The following PLD5 variants were observed in gnomAD, a reference collection of about 807,000 sequenced individuals.
PLD5 encodes the protein phospholipase D family member 5, also known as inactive phospholipase D5.
A neutral mutation model predicts 61.1 loss-of-function variants in PLD5; 36 were observed. The observed-to-expected ratio is 0.59, with a 90% CI of 0.45 to 0.78. PLD5 has a LOEUF of 0.78. Ranked by LOEUF, PLD5 falls within the 30% of genes least tolerant of loss-of-function variation. PLD5 has a pLI of 0.00. For missense variants in PLD5, 515 were observed against 644.4 expected (o/e 0.80, Z 2.17); for synonymous variants, 243 against 242.8 (o/e 1.00, Z -0.01).
At chr1:242,128,969 C>T (rs1217373974) in intron 5 of PLD5, among the ~76,000 whole-genome samples, 1 of 152,134 alleles carries the variant, frequency 6.6e-6, no homozygotes, top group Non-Finnish European at 1.5e-5. Flanking sequence ...CATAAAAACG[C>T]TTCTGTAACG....
At chr1:242,506,824 T>C (rs927463015) in intron 1 of PLD5, among the ~76,000 whole-genome samples, 8 of 152,178 alleles carry the variant, frequency 5.3e-5, no homozygotes, top group Admixed American at 4.6e-4. Context: ...TGCACTGGCA[T>C]GGTTCAGCTT....
intron 1 of PLD5, among the ~76,000 whole-genome samples, chr1:242,440,326 A>G (rs1017954581): frequency 6.6e-6 from 1 of 152,206 alleles, no homozygotes; most frequent in Non-Finnish European, 1.5e-5. Context: ...TGCTGGTCAC[A>G]GGAATTAATT....
chr1:242,156,329 T>C (rs1665368015), intron 5 of PLD5, among the ~76,000 whole-genome samples: 1 of 152,240 alleles, frequency 6.6e-6, no homozygotes, highest in Non-Finnish European at 1.5e-5. Flanking sequence ...TGTCTTTTAA[T>C]TGGGGCATTT....
At chr1:242,331,250 T>A (rs1030435020) in intron 2 of PLD5, among the ~76,000 whole-genome samples, 3 of 152,172 alleles carry the variant, frequency 2.0e-5, no homozygotes, top group African/African-American at 7.2e-5. Flanking sequence ...TAAGACATGG[T>A]GTCTCAAGTT....
chr1:242,424,805 A>T (rs1455428886), intron 1 of PLD5, among the ~76,000 whole-genome samples: 1 of 152,136 alleles, frequency 6.6e-6, no homozygotes, highest in Non-Finnish European at 1.5e-5. Flanking sequence ...AACCTCAAAG[A>T]GCAAAATGTT....
chr1:242,438,264 A>ATTT (rs1237412199), intron 1 of PLD5, among the ~76,000 whole-genome samples: 4 of 138,752 alleles, frequency 2.9e-5, no homozygotes, highest in Non-Finnish European at 4.7e-5. Context: ...AGAAAAAAAA[A>ATTT]TTTTTTTTTT....
chr1:242,427,183 C>A (rs1223718513), intron 1 of PLD5, among the ~76,000 whole-genome samples: 1 of 152,152 alleles, frequency 6.6e-6, no homozygotes, highest in Admixed American at 6.6e-5. Context: ...TTACCTTGAT[C>A]AACACATAAT....
chr1:242,476,878 C>A (rs1400174786), intron 1 of PLD5, among the ~76,000 whole-genome samples: 1 of 152,106 alleles, frequency 6.6e-6, no homozygotes, highest in East Asian at 1.9e-4. Flanking sequence ...GAAGACTTGG[C>A]GTGGTGTGTG....
At chr1:242,353,320 T>C (rs1020242820) in intron 1 of PLD5, among the ~76,000 whole-genome samples, 22 of 152,270 alleles carry the variant, frequency 1.4e-4, no homozygotes, top group Admixed American at 1.2e-3. Context: ...CAAAAATCAA[T>C]TGACCACAGA....
At chr1:242,110,886 C>T (rs1371587015) in intron 7 of PLD5, among the ~76,000 whole-genome samples, 2 of 152,064 alleles carry the variant, frequency 1.3e-5, no homozygotes, top group African/African-American at 2.4e-5. Context: ...GCTAATCAGG[C>T]TACATTTTTA....
At chr1:242,238,588 T>G (rs1320286941) in intron 4 of PLD5, among the ~76,000 whole-genome samples, 2 of 152,208 alleles carry the variant, frequency 1.3e-5, no homozygotes, top group Non-Finnish European at 2.9e-5. Context: ...AAAAAAGAGA[T>G]GAACTTTGCA....
At chr1:242,139,293 A>G (rs1185236671) in intron 5 of PLD5, among the ~76,000 whole-genome samples, 1 of 152,106 alleles carries the variant, frequency 6.6e-6, no homozygotes, top group Admixed American at 6.6e-5. Context: ...GTAGCCTGCC[A>G]TGAATTGCAA....
chr1:242,097,596 T>C (rs1385638005), intron 9 of PLD5, among the ~76,000 whole-genome samples: 2 of 152,228 alleles, frequency 1.3e-5, no homozygotes, highest in African/African-American at 4.8e-5. Flanking sequence ...TTGATGGGGT[T>C]GTTTTTTTCT....
intron 5 of PLD5, among the ~76,000 whole-genome samples, chr1:242,164,968 C>T (rs1666194846): frequency 6.6e-6 from 1 of 152,114 alleles, no homozygotes; most frequent in East Asian, 1.9e-4. Context: ...TCCCACCTGC[C>T]AGTATCTACC....
At chr1:242,207,991 T>TATATATATTTTTATACACAC (rs1669546673) in intron 5 of PLD5, among the ~76,000 whole-genome samples, 1 of 40,282 alleles carries the variant, frequency 2.5e-5, no homozygotes, top group Non-Finnish European at 4.0e-5. Context: ...TATATATTTA[T>TATATATATTTTTATACACAC]ACACACACAC....
At chr1:242,474,090 A>G (rs960916662) in intron 1 of PLD5, among the ~76,000 whole-genome samples, 17 of 152,232 alleles carry the variant, frequency 1.1e-4, no homozygotes, top group African/African-American at 3.6e-4. Flanking sequence ...TTTTTCCAGA[A>G]TTAGCATCTC....
chr1:242,333,388 T>A (rs1409654129), intron 2 of PLD5, among the ~76,000 whole-genome samples: 1 of 151,888 alleles, frequency 6.6e-6, no homozygotes, highest in Non-Finnish European at 1.5e-5. Context: ...AGGAGTGAAA[T>A]CAGTGGAGAA....
At chr1:242,129,653 A>G (rs1325150326) in intron 5 of PLD5, among the ~76,000 whole-genome samples, 1 of 152,224 alleles carries the variant, frequency 6.6e-6, no homozygotes, top group Admixed American at 6.5e-5. Context: ...CTTAATTTTT[A>G]AAAATGAACT....
At chr1:242,193,376 G>T (rs373973359) in intron 5 of PLD5, among the ~76,000 whole-genome samples, 2 of 152,158 alleles carry the variant, frequency 1.3e-5, no homozygotes, top group African/African-American at 4.8e-5. Context: ...TTCTTTGGCC[G>T]GGTTCTTGGA....
Sources: allele counts gnomAD v4.1 joint callset (sites outside exome capture counted in the v4.1 genomes callset), GRCh38; gene constraint gnomAD v4.1.1; transcripts MANE v1.5; gene names NCBI Gene and HGNC (gene_info 2026-07-23, HGNC 2026-07-21).